The following UBR3 variants were observed in gnomAD, a reference collection of about 807,000 sequenced individuals.
The protein encoded by UBR3 is E3 ubiquitin-protein ligase UBR3.
In UBR3, 85 loss-of-function variants were observed where a neutral mutation model predicts 243.2. The ratio of observed to expected loss-of-function variants is 0.35; its 90% confidence interval spans 0.29 to 0.42. The LOEUF (loss-of-function observed/expected upper bound fraction) is 0.42. Among genes scored for constraint, UBR3 ranks in the 10% least tolerant of loss-of-function variants. UBR3 has a pLI of 1.00. For synonymous variants in UBR3, 748 were observed against 799.8 expected, an observed-to-expected ratio of 0.94 and a Z score of 1.09; for missense variants, 1,686 against 2,300.8, an observed-to-expected ratio of 0.73 and a Z score of 5.47.
At chr2:169,988,559 T>C (rs890235483) in intron 25 of UBR3, among the ~76,000 whole-genome samples, 19 of 152,128 alleles carry the variant, frequency 1.2e-4, no homozygotes, top group Non-Finnish European at 2.4e-4. Context: ...AATTCCAGCA[T>C]TTTGGGAAGC....
Position 169,905,307 on chromosome 2 carries a change from C to G in UBR3, c.1645+14C>G. 6.9e-7 allele frequency: 1 copy of G among 1,453,912 alleles called. No homozygotes were observed. Among genetic ancestry groups the G allele is most frequent in the South Asian group, 1.5e-5 (1 of 64,782 alleles). The allele number at this position is 1,453,912 out of a possible 1,614,324, so 90.1% of individuals were successfully genotyped here. ...CTTTCTTTCAAGGTATGAATTTTAT[C>G]CCTTTGTTAATTTTTTGGTTTACAA... On this transcript the variant is annotated intron_variant, in intron 9 of 38. Coordinates refer to ENST00000272793, the MANE Select transcript of UBR3 (RefSeq NM_172070.4).
At chr2:169,982,343 T>G (rs992310228) in intron 24 of UBR3, among the ~76,000 whole-genome samples, 5 of 152,166 alleles carry the variant, frequency 3.3e-5, no homozygotes, top group African/African-American at 1.2e-4. Flanking sequence ...TTGATTGTTC[T>G]ATAAATACTT....
intron 23 of UBR3, among the ~76,000 whole-genome samples, chr2:169,955,505 C>T (rs1436260371): frequency 6.6e-6 from 1 of 151,756 alleles, no homozygotes. Context: ...TAAGATGTTC[C>T]AGGCTTGGCC....
At chr2:170,076,958 C>T (rs1201166516) in intron 36 of UBR3, among the ~76,000 whole-genome samples, 2 of 152,202 alleles carry the variant, frequency 1.3e-5, no homozygotes, top group African/African-American at 4.8e-5. Flanking sequence ...TCAATCCCTC[C>T]AGGCAATGCG....
intron 31 of UBR3, among the ~76,000 whole-genome samples, chr2:170,031,756 A>G (rs922173237): frequency 6.6e-6 from 1 of 152,058 alleles, no homozygotes; most frequent in African/African-American, 2.4e-5. Flanking sequence ...GCCCTCACTT[A>G]TAAGTGAGAA....
At chr2:170,071,298 C>CA (rs1481161318) in intron 35 of UBR3, among the ~76,000 whole-genome samples, 2 of 152,096 alleles carry the variant, frequency 1.3e-5, no homozygotes, top group African/African-American at 4.8e-5. Flanking sequence ...AATTCATAGT[C>CA]AAAATCTGGA....
intron 19 of UBR3, among the ~76,000 whole-genome samples, chr2:169,933,516 A>G (rs933855887): frequency 6.6e-6 from 1 of 152,266 alleles, no homozygotes; most frequent in Non-Finnish European, 1.5e-5. Context: ...TATCTTTTAA[A>G]TGCAGAATTC....
chr2:170,055,432 A>C (rs1322485986), intron 32 of UBR3, 28 bp from the exon 33 acceptor site: 4 of 1,604,672 alleles, frequency 2.5e-6, no homozygotes, highest in Non-Finnish European at 3.4e-6. Flanking sequence ...TAGATTCCAA[A>C]GAAATAATGA....
intron 1 of UBR3, among the ~76,000 whole-genome samples, chr2:169,864,906 C>CAAAAAA (rs11336906): frequency 1.5e-5 from 1 of 64,818 alleles, no homozygotes; most frequent in African/African-American, 6.2e-5. Context: ...GACTCCGTCT[C>CAAAAAA]AAAAAAAAAA....
chr2:169,942,829 T>G (rs2086642448), intron 20 of UBR3, among the ~76,000 whole-genome samples, 195 bp downstream of exon 20: 1 of 152,242 alleles, frequency 6.6e-6, no homozygotes, highest in South Asian at 2.1e-4. Context: ...CAGCATTCTT[T>G]GTGAGAAACT....
At chr2:169,982,617 T>C (rs1265950068) in intron 24 of UBR3, among the ~76,000 whole-genome samples, 1 of 152,024 alleles carries the variant, frequency 6.6e-6, no homozygotes, top group Non-Finnish European at 1.5e-5. Context: ...TTTTGGAAAA[T>C]GATTTTTTTA....
chr2:169,849,869 G>A (rs2082600309), intron 1 of UBR3, among the ~76,000 whole-genome samples: 1 of 152,184 alleles, frequency 6.6e-6, no homozygotes, highest in South Asian at 2.1e-4. Context: ...TAACATAAAT[G>A]GCATGCAGGA....
intron 5 of UBR3, among the ~76,000 whole-genome samples, chr2:169,889,108 C>A (rs1181303170): frequency 1.3e-5 from 2 of 152,108 alleles, no homozygotes; most frequent in African/African-American, 4.8e-5. Context: ...TACCTATTTT[C>A]CCACCAGCTC....
chr2:169,958,508 G>A lies in UBR3; in HGVS notation c.3616G>A (p.Glu1206Lys). Reference protein sequence around the residue: ...EFASRQKSFMETAMDVDSPEN... With the variant: ...EFASRQKSFMKTAMDVDSPEN... ...TGCTTCACGACAGAAAAGCTTTATG[G>A]AAACTGCAATGGATGTTGGTAAGTC... Residue 1206 changes from glutamate to lysine, a missense_variant, in exon 24 of 39, where the codon GAA becomes AAA. By Grantham distance (56) the Glu-to-Lys change is moderately conservative. Coordinates refer to ENST00000272793, the MANE Select transcript of UBR3 (RefSeq NM_172070.4). 6.2e-7 allele frequency: 1 copy of A among 1,612,920 alleles called. No homozygotes were observed. The highest frequency in any genetic ancestry group is 8.5e-7 in the Non-Finnish European group (1 of 1,179,242).
chr2:169,898,014 C>T (rs1397300409), intron 8 of UBR3, among the ~76,000 whole-genome samples: 1 of 152,184 alleles, frequency 6.6e-6, no homozygotes, highest in Non-Finnish European at 1.5e-5. Flanking sequence ...GATTTCCTGG[C>T]TCCTAATGTC....
At chr2:169,860,820 T>C (rs964482188) in intron 1 of UBR3, among the ~76,000 whole-genome samples, 9 of 152,244 alleles carry the variant, frequency 5.9e-5, no homozygotes, top group African/African-American at 2.2e-4. Context: ...AGTCCCACGA[T>C]AGGTCATCTG....
chr2:169,943,670 A>G (rs577865887), intron 20 of UBR3, among the ~76,000 whole-genome samples: 4 of 152,306 alleles, frequency 2.6e-5, no homozygotes, highest in South Asian at 4.1e-4. Context: ...CTATATAGAC[A>G]TGATAAATGT....
intron 18 of UBR3, among the ~76,000 whole-genome samples, chr2:169,931,648 G>A (rs150656092): frequency 1.1e-3 from 169 of 152,040 alleles, no homozygotes; most frequent in African/African-American, 3.7e-3. Context: ...CTCTTAAGGC[G>A]GTGGTTTCTA....
chr2:170,067,048 C>T (rs898762973), intron 35 of UBR3, among the ~76,000 whole-genome samples: 2 of 151,118 alleles, frequency 1.3e-5, no homozygotes, highest in African/African-American at 2.4e-5. Flanking sequence ...GACAAGGAAG[C>T]AGGCGCACAG....
Sources: gnomAD v4.1 joint callset for allele counts (sites outside exome capture counted in the v4.1 genomes callset) on GRCh38, gnomAD v4.1.1 for gene constraint, MANE v1.5 for transcripts, NCBI Gene and HGNC (gene_info 2026-07-23, HGNC 2026-07-21) for gene names.